Variants in LBHD1 observed in about 807,000 individuals in gnomAD.
LBHD1 encodes LBH domain containing 1, also known as LBH domain-containing protein 1.
Under a neutral mutation model 31.1 loss-of-function variants are expected in LBHD1, and 28 were observed. That is an observed-to-expected ratio of 0.90 (90% CI 0.67 to 1.24). The LOEUF (loss-of-function observed/expected upper bound fraction) is 1.24, where lower values mean the gene tolerates loss of function less well. Ranked by LOEUF, LBHD1 falls within the 50% of genes most tolerant of loss-of-function variation. The pLI, the probability that LBHD1 is intolerant of heterozygous loss-of-function variation, is 0.00. For missense variants in LBHD1, 350 were observed against 323.0 expected (o/e 1.08, Z -0.64); for synonymous variants, 105 against 116.5 (o/e 0.90, Z 0.63).
chr11:62,665,207 G>A, intron 4 of LBHD1: 2 of 794,720 alleles, frequency 2.5e-6, no homozygotes, highest in Non-Finnish European at 4.3e-6. Flanking sequence ...CCGTACTTCC[G>A]CTCAGCGCCG....
At chr11:62,668,642 A>G (rs1201591827) in intron 3 of LBHD1, 1 of 151,502 alleles carries the variant, frequency 6.6e-6, no homozygotes, top group Non-Finnish European at 1.5e-5. Flanking sequence ...CTCTACTAAA[A>G]ATACAAAAAA....
chr11:62,670,982 C>A, intron 1 of LBHD1: 1 of 235,114 alleles, frequency 4.3e-6, no homozygotes, highest in South Asian at 4.7e-5. Context: ...GCCTGTAATC[C>A]CAGCTATCCG....
chr11:62,669,811 G>C lies in LBHD1; in HGVS notation c.151-8C>G, dbSNP rs1233643612. The C allele has an allele frequency of 6.2e-7, 1 of 1,614,210 alleles. No individual in the cohort carries two copies. Among genetic ancestry groups the C allele is most frequent in the South Asian group, 1.1e-5 (1 of 91,086 alleles). The stretch of plus-strand genomic sequence containing the variant: ...GGACTTTTGAGAGAAATCCTGAATA[G>C]GGACAGCAGGGAGGTTGGGCCAAAC... On this transcript the variant is annotated splice_polypyrimidine_tract_variant and splice_region_variant and intron_variant, in intron 2 of 6. Coordinates refer to ENST00000354588, the MANE Select transcript of LBHD1 (RefSeq NM_024099.5).
At position 62,669,659 on chromosome 11, in the gene LBHD1, C is replaced by T. The variant is rs1218126333; in HGVS notation, c.295G>A (p.Asp99Asn). ...EEEDAEAFFQDQSEEPGWAWS... is the reference protein window; with the variant it reads ...EEEDAEAFFQNQSEEPGWAWS... ...CCCTCACCTGGCTCTTCACTTTGGTCTTGGAAGAAGGCCTCAGCATCCTCT... is the reference window on the plus strand; with the variant it reads ...CCCTCACCTGGCTCTTCACTTTGGTTTTGGAAGAAGGCCTCAGCATCCTCT... Residue 99 changes from aspartate (D) to asparagine (N), a missense_variant, in exon 3 of 7, where the codon GAC becomes AAC. By Grantham distance (23) the Asp-to-Asn change is conservative (BLOSUM62 1). Coordinates refer to ENST00000354588, the MANE Select transcript of LBHD1 (RefSeq NM_024099.5). 1.2e-6 allele frequency: 2 copies of T among 1,613,742 alleles called. No homozygotes were observed. The highest frequency in any genetic ancestry group is 1.7e-6 in the Non-Finnish European group (2 of 1,179,800).
At chr11:62,671,535 C>T in intron 1 of LBHD1, 29 bp downstream of exon 1, 1 of 1,415,474 alleles carries the variant, frequency 7.1e-7, no homozygotes, top group South Asian at 1.5e-5. Context: ...GCCAGCACTT[C>T]TTGGACACCT....
intron 4 of LBHD1, chr11:62,667,312 T>A (rs187110095): frequency 1.5e-6 from 1 of 645,160 alleles, no homozygotes; most frequent in Non-Finnish European, 2.7e-6. Flanking sequence ...AAGGTACAAT[T>A]GGGTCATTCC....
At chr11:62,665,992 T>A in intron 4 of LBHD1, 1 of 1,577,848 alleles carries the variant, frequency 6.3e-7, no homozygotes. Context: ...GGGGGCAGAG[T>A]GGGGAGGGTA....
chr11:62,666,984 CTG>C (rs768226779), intron 4 of LBHD1: 7 of 1,614,090 alleles, frequency 4.3e-6, no homozygotes, highest in South Asian at 1.1e-5. Flanking sequence ...TGGACTGTGA[CTG>C]TGCAGGAGCT....
intron 4 of LBHD1, chr11:62,665,246 G>A (rs1011904822): frequency 2.6e-6 from 2 of 763,192 alleles, no homozygotes; most frequent in African/African-American, 1.7e-5. Flanking sequence ...CCGGCCTTCC[G>A]CGGGCCAATC....
At chr11:62,665,996 G>A (rs777692176) in intron 4 of LBHD1, 20 of 1,575,798 alleles carry the variant, frequency 1.3e-5, no homozygotes, top group Non-Finnish European at 1.7e-5. Flanking sequence ...GCAGAGTGGG[G>A]AGGGTAAGGT....
At position 62,664,897 on chromosome 11, in the gene LBHD1, GC is replaced by G; in HGVS notation, c.614del (p.Gly205AlafsTer86). 6.3e-7 allele frequency: 1 copy of G among 1,592,766 alleles called. No individual in the cohort carries two copies. Among genetic ancestry groups the G allele is most frequent in the Non-Finnish European group, 8.5e-7 (1 of 1,169,902 alleles). ...GAASEAPGGRGCDRPRADHAA... is the reference protein window; with the variant it reads ...GAASEAPGGRXCDRPRADHAA... The stretch of plus-strand genomic sequence containing the variant: ...CGTGATCAGCCCTTGGTCTATCACA[GC>G]CCCGACCACCCGGTGCCTCAGACGC... On this transcript the variant is annotated frameshift_variant, in exon 5 of 7. Transcript: ENST00000354588. LOFTEE classifies it high-confidence loss of function.
Position 62,669,718 on chromosome 11 carries a change from TG to T in LBHD1, c.235del (p.His79MetfsTer39). On this transcript the variant is annotated frameshift_variant, in exon 3 of 7. Transcript: ENST00000354588. LOFTEE classifies it high-confidence loss of function. ...NEESGDLHLP[H>X]EELLLLTDGE... ...ATCAGTGAGCAGCAGCAGCTCCTCA[TG>T]GGGCAAATGGAGATCCCCACTCTCT... 1 of 1,614,100 alleles carries T rather than the reference TG, an allele frequency of 6.2e-7. No individual in the cohort carries two copies. The highest frequency in any genetic ancestry group is 1.1e-5 in the South Asian group (1 of 91,086).
chr11:62,665,354 G>A lies in LBHD1; in HGVS notation c.539-381C>T, dbSNP rs947538035. The A allele has an allele frequency of 1.8e-5, 15 of 852,866 alleles. No individual in the cohort carries two copies. The South Asian group carries it at 2.1e-4, about 12-fold the overall frequency. The allele number at this position is 852,866 out of a possible 1,614,324, so 52.8% of individuals were successfully genotyped here. On this transcript the variant is annotated intron_variant, in intron 4 of 6. Transcript: ENST00000354588. ...GCTAGTAAGTGTGGTTTTAGCTGTA[G>A]TAGCCAGATTGGGCGGCCGGGAGTG...
intron 3 of LBHD1, 113 bp downstream of exon 3, chr11:62,669,528 C>T (rs12291465): frequency 0.28 from 427,468 of 1,511,868 alleles, 63,414 homozygotes; most frequent in Non-Finnish European, 0.31. Flanking sequence ...ATTTATTGAG[C>T]ACCTGCTGTG....
chr11:62,668,826 A>G (rs1944886689), intron 3 of LBHD1, among the ~76,000 whole-genome samples: 1 of 151,926 alleles, frequency 6.6e-6, no homozygotes, highest in African/African-American at 2.4e-5. Context: ...CAAAACCAAA[A>G]CAAACAAACA....
chr11:62,666,714 TA>T (rs763255599), intron 4 of LBHD1: 7 of 1,613,950 alleles, frequency 4.3e-6, no homozygotes, highest in Non-Finnish European at 5.9e-6. Context: ...CAAACACCTC[TA>T]TGCCCTGGAC....
In LBHD1 at chr11:62,672,042, G is replaced by A. The variant is rs1318546671; in HGVS notation, c.-489C>T. The A allele has an allele frequency of 3.1e-6, 5 of 1,611,738 alleles. No homozygotes were observed. Among genetic ancestry groups the A allele is most frequent in the Non-Finnish European group, 4.2e-6 (5 of 1,179,186 alleles). ...CCACTCTGCAGGAGGCAGCGACCAC[G>A]CAGGAGAACGTGGCCTGGAGGAAGA... On this transcript the variant is annotated 5_prime_UTR_variant, in exon 1 of 7. Transcript: ENST00000354588.
Position 62,663,018 on chromosome 11 carries a change from G to C in LBHD1, c.*111C>G, listed in dbSNP as rs1435688256. On this transcript the variant is annotated 3_prime_UTR_variant, in exon 7 of 7. Coordinates refer to ENST00000354588, the MANE Select transcript of LBHD1 (RefSeq NM_024099.5). ...AAACAACCACTGAGTCTGAAGGCTGGCTCCAGTTGAGAATCTTCTAGTGGA... is the reference window on the plus strand; with the variant it reads ...AAACAACCACTGAGTCTGAAGGCTGCCTCCAGTTGAGAATCTTCTAGTGGA... 1 of 1,491,078 alleles carries C rather than the reference G, an allele frequency of 6.7e-7. No homozygotes were observed. Among genetic ancestry groups the C allele is most frequent in the Non-Finnish European group, 9.3e-7 (1 of 1,079,844 alleles). The allele number at this position is 1,491,078 out of a possible 1,614,324, so 92.4% of individuals were successfully genotyped here.
intron 4 of LBHD1, chr11:62,667,155 G>A: frequency 1.6e-6 from 2 of 1,219,172 alleles, no homozygotes; most frequent in Non-Finnish European, 2.3e-6. Context: ...TTGAGTCCTG[G>A]CTTCCACATT....
Sources: allele counts gnomAD v4.1 joint callset (sites outside exome capture counted in the v4.1 genomes callset), GRCh38; gene constraint gnomAD v4.1.1; transcripts MANE v1.5; gene names NCBI Gene and HGNC (gene_info 2026-07-23, HGNC 2026-07-21).